Variants in GRIK2 observed in about 807,000 individuals in gnomAD.
GRIK2 encodes the protein glutamate receptor ionotropic, kainate 2.
A neutral mutation model predicts 100.3 loss-of-function variants in GRIK2; 32 were observed. That is an observed-to-expected ratio of 0.32 (90% CI 0.24 to 0.43). The LOEUF is 0.43. Ranked by LOEUF, GRIK2 falls within the 20% of genes least tolerant of loss-of-function variation. The pLI, the probability that GRIK2 is intolerant of heterozygous loss-of-function variation, is 1.00. For synonymous variants in GRIK2, 417 were observed against 389.4 expected, an observed-to-expected ratio of 1.07 and a Z score of -0.83; for missense variants, 843 against 1,114.9, an observed-to-expected ratio of 0.76 and a Z score of 3.47.
intron 4 of GRIK2, among the ~76,000 whole-genome samples, chr6:101,659,626 A>G (rs1350759765): frequency 6.6e-6 from 1 of 152,070 alleles, no homozygotes; most frequent in South Asian, 2.1e-4. Flanking sequence ...TCCTTTCCAT[A>G]TTTAGTGCTT....
At position 101,626,391 on chromosome 6, in the gene GRIK2, C is replaced by A. The variant is rs755636054; in HGVS notation, c.295C>A (p.Leu99Met). 1 of 1,612,096 alleles carries A rather than the reference C, an allele frequency of 6.2e-7. No individual in the cohort carries two copies. Residue 99 changes from leucine to methionine, a missense_variant, in exon 4 of 17, where the codon CTG becomes ATG. Around this residue, in one of 3 missense-constraint regions of GRIK2, gnomAD observed 519 missense variants for 643.8 expected, o/e 0.81. Transcript: ENST00000369134. ...TATCTCCTCTTCAGCCTGTGATCAG[C>A]TGTCTCTTGGGGTGGCTGCCATCTT... ...FEASKKACDQLSLGVAAIFGP... is the reference protein window; with the variant it reads ...FEASKKACDQMSLGVAAIFGP...
intron 1 of GRIK2, among the ~76,000 whole-genome samples, chr6:101,398,129 AATGTCGCTC>A: frequency 6.6e-6 from 1 of 152,284 alleles, no homozygotes; most frequent in East Asian, 1.9e-4. Context: ...TGTAACACTC[AATGTCGCTC>A]ATGCTATGAT....
chr6:101,926,783 C>T (rs1042560799), intron 13 of GRIK2, among the ~76,000 whole-genome samples: 3 of 152,062 alleles, frequency 2.0e-5, no homozygotes, highest in African/African-American at 7.2e-5. Context: ...ACAGTCAGCC[C>T]CTAACCAGGC....
intron 12 of GRIK2, among the ~76,000 whole-genome samples, chr6:101,918,087 G>T (rs539169728): frequency 6.6e-6 from 1 of 151,458 alleles, no homozygotes; most frequent in Admixed American, 6.6e-5. Context: ...CAATTAAGTA[G>T]AACAAAAAAA....
At chr6:101,975,325 A>C (rs1417176) in intron 14 of GRIK2, among the ~76,000 whole-genome samples, 3,987 of 152,020 alleles carry the variant, frequency 0.026, 194 homozygotes, top group African/African-American at 0.092. Flanking sequence ...TGTAGGGTGA[A>C]GAGACAGGTA....
At chr6:101,749,360 C>T (rs1368576764) in intron 7 of GRIK2, among the ~76,000 whole-genome samples, 3 of 152,168 alleles carry the variant, frequency 2.0e-5, no homozygotes, top group South Asian at 2.1e-4. Context: ...CCATCTGTCT[C>T]GGCCCCCCAG....
At chr6:101,707,571 T>A (rs1467493646) in intron 7 of GRIK2, among the ~76,000 whole-genome samples, 10 of 46,926 alleles carry the variant, frequency 2.1e-4, no homozygotes, top group African/African-American at 3.7e-4. Context: ...TATGTATATA[T>A]GTGTATGTGT....
At chr6:101,701,728 T>C (rs909784484) in intron 7 of GRIK2, among the ~76,000 whole-genome samples, 11 of 152,098 alleles carry the variant, frequency 7.2e-5, no homozygotes, top group Admixed American at 6.6e-4. Flanking sequence ...AAGGTAAATA[T>C]AGATATTACT....
chr6:101,479,843 A>T (rs1049430300), intron 2 of GRIK2, among the ~76,000 whole-genome samples: 5 of 152,120 alleles, frequency 3.3e-5, no homozygotes, highest in African/African-American at 1.2e-4. Context: ...TATCCTTTGA[A>T]TTATTTTATT....
intron 9 of GRIK2, among the ~76,000 whole-genome samples, chr6:101,803,004 A>G (rs1159734103): frequency 6.6e-6 from 1 of 151,844 alleles, no homozygotes; most frequent in Middle Eastern, 3.2e-3. Flanking sequence ...TGCCTACTTA[A>G]TGAATATTTT....
chr6:101,479,794 C>T (rs569299452), intron 2 of GRIK2, among the ~76,000 whole-genome samples: 104 of 152,210 alleles, frequency 6.8e-4, no homozygotes, highest in Non-Finnish European at 1.2e-3. Context: ...TTCACTCTTG[C>T]GAATTAAATG....
chr6:101,534,093 G>C (rs543694935), intron 2 of GRIK2, among the ~76,000 whole-genome samples: 73 of 151,460 alleles, frequency 4.8e-4, no homozygotes, highest in Non-Finnish European at 8.0e-4. Context: ...CTAAAGTTAT[G>C]GATTAAGTTA....
intron 2 of GRIK2, among the ~76,000 whole-genome samples, chr6:101,575,928 G>C (rs1333925384): frequency 2.6e-5 from 4 of 151,890 alleles, no homozygotes; most frequent in African/African-American, 9.6e-5. Flanking sequence ...ATCACCCCAT[G>C]TTCTTTCAAT....
At chr6:101,884,944 G>A (rs539080718) in intron 11 of GRIK2, among the ~76,000 whole-genome samples, 2 of 152,198 alleles carry the variant, frequency 1.3e-5, no homozygotes, top group African/African-American at 4.8e-5. Flanking sequence ...TGCTTATTAA[G>A]TTAATAAGAT....
chr6:101,638,497 C>A (rs1781126863), intron 4 of GRIK2, among the ~76,000 whole-genome samples: 1 of 151,674 alleles, frequency 6.6e-6, no homozygotes, highest in African/African-American at 2.4e-5. Flanking sequence ...TGAACTAAGA[C>A]TTGAATAAAC....
intron 12 of GRIK2, among the ~76,000 whole-genome samples, chr6:101,923,746 C>A (rs912528260): frequency 1.3e-5 from 2 of 151,790 alleles, no homozygotes; most frequent in Admixed American, 1.3e-4. Flanking sequence ...CACAGTGAAA[C>A]CCTGTCTCTA....
At chr6:101,848,062 CGTAACAATTCT>C (rs1255823747) in intron 10 of GRIK2, among the ~76,000 whole-genome samples, 1 of 152,060 alleles carries the variant, frequency 6.6e-6, no homozygotes, top group Non-Finnish European at 1.5e-5. Flanking sequence ...GGTTAAAATA[CGTAACAATTCT>C]GTAAGAATAA....
At chr6:101,676,189 A>C (rs1770827483) in intron 4 of GRIK2, among the ~76,000 whole-genome samples, 1 of 152,206 alleles carries the variant, frequency 6.6e-6, no homozygotes, top group African/African-American at 2.4e-5. Flanking sequence ...ACAGTATTTC[A>C]AGCCTTTAAT....
chr6:101,935,663 G>C (rs1790570361), intron 14 of GRIK2, among the ~76,000 whole-genome samples: 1 of 151,856 alleles, frequency 6.6e-6, no homozygotes, highest in Non-Finnish European at 1.5e-5. Context: ...CAAGAGCTTT[G>C]AGATTTGTGT....
Sources: allele counts gnomAD v4.1 joint callset (sites outside exome capture counted in the v4.1 genomes callset), GRCh38; gene constraint gnomAD v4.1.1; regional missense constraint gnomAD v4.1.1; transcripts MANE v1.5; gene names NCBI Gene and HGNC (gene_info 2026-07-23, HGNC 2026-07-21).